The following KCNN2 variants were observed in gnomAD, a reference collection of about 807,000 sequenced individuals.
KCNN2 encodes the protein small conductance calcium-activated potassium channel protein 2.
Under a neutral mutation model 55.5 loss-of-function variants are expected in KCNN2, and 24 were observed. The observed-to-expected ratio is 0.43, with a 90% CI of 0.31 to 0.61. KCNN2 has a LOEUF of 0.61. Among genes scored for constraint, KCNN2 ranks in the 20% least tolerant of loss-of-function variants. KCNN2 has a pLI of 0.08. For synonymous variants in KCNN2, 431 were observed against 336.1 expected (o/e 1.28, Z -3.09); for missense variants, 754 against 853.6 (o/e 0.88, Z 1.45).
At chr5:114,079,114 A>G (rs899749333) in intron 1 of KCNN2, among the ~76,000 whole-genome samples, 2 of 152,194 alleles carry the variant, frequency 1.3e-5, no homozygotes, top group Admixed American at 1.3e-4. Flanking sequence ...AAAAACCTAT[A>G]CAGAGGCATT....
chr5:114,098,755 A>G (rs970939428), intron 1 of KCNN2, among the ~76,000 whole-genome samples: 1 of 152,194 alleles, frequency 6.6e-6, no homozygotes, highest in Non-Finnish European at 1.5e-5. Flanking sequence ...TAGAATTAAC[A>G]TGAAACCTGT....
chr5:114,147,014 G>A (rs1053186126), intron 1 of KCNN2, among the ~76,000 whole-genome samples: 18 of 152,178 alleles, frequency 1.2e-4, no homozygotes, highest in African/African-American at 4.1e-4. Context: ...TATAAGCTGA[G>A]TCAGAGACAA....
Position 114,174,355 on chromosome 5 carries a change from C to G in KCNN2, c.-270-47125C>G, listed in dbSNP as rs139705088. 2.6e-5 allele frequency among the ~76,000 whole-genome samples: 4 copies of G among 152,198 alleles called. No individual in the cohort carries two copies. The East Asian group carries it at 7.7e-4, about 29-fold the overall frequency. On this transcript the variant is annotated intron_variant, in intron 1 of 10. Transcript: ENST00000512097. ...TTTGCTTTCTGACTAAGCAGTGACA[C>G]AAACAGACCTACTGCAGATGGATAA...
At chr5:114,146,535 A>G (rs1405427374) in intron 1 of KCNN2, among the ~76,000 whole-genome samples, 1 of 152,182 alleles carries the variant, frequency 6.6e-6, no homozygotes, top group African/African-American at 2.4e-5. Context: ...TTTGACAGGT[A>G]TCCCAGATGA....
At chr5:114,185,653 G>A (rs1753316621) in intron 1 of KCNN2, among the ~76,000 whole-genome samples, 1 of 152,164 alleles carries the variant, frequency 6.6e-6, no homozygotes. Context: ...TTCCATGGCC[G>A]TGGGACAGAC....
At chr5:114,077,071 G>A (rs1314895133) in intron 1 of KCNN2, among the ~76,000 whole-genome samples, 1 of 152,200 alleles carries the variant, frequency 6.6e-6, no homozygotes, top group Non-Finnish European at 1.5e-5. Context: ...GAATGTAATG[G>A]TAAAAAGGTG....
chr5:114,474,223 G>C (rs761169386), intron 5 of KCNN2, among the ~76,000 whole-genome samples: 3 of 152,124 alleles, frequency 2.0e-5, no homozygotes, highest in Admixed American at 6.6e-5. Flanking sequence ...TAACAGGCCA[G>C]TCATTTTAAT....
At chr5:114,480,518 A>G (rs1580907207) in intron 5 of KCNN2, among the ~76,000 whole-genome samples, 1 of 152,204 alleles carries the variant, frequency 6.6e-6, no homozygotes, top group East Asian at 1.9e-4. Flanking sequence ...TGAGGCAAGC[A>G]TCATCCTGAT....
chr5:114,379,692 ATATT>A (rs944524805), intron 2 of KCNN2, among the ~76,000 whole-genome samples: 3 of 109,648 alleles, frequency 2.7e-5, no homozygotes, highest in Non-Finnish European at 5.0e-5. Flanking sequence ...AACATATTAT[ATATT>A]TATAGAATAT....
chr5:114,117,265 G>A (rs1230272485), intron 1 of KCNN2, among the ~76,000 whole-genome samples: 4 of 152,118 alleles, frequency 2.6e-5, no homozygotes, highest in Admixed American at 2.0e-4. Context: ...TCTGAGAACC[G>A]CAGTAGCTTT....
intron 2 of KCNN2, among the ~76,000 whole-genome samples, chr5:114,301,636 C>G (rs1284998474): frequency 1.3e-5 from 2 of 152,096 alleles, no homozygotes; most frequent in Non-Finnish European, 2.9e-5. Flanking sequence ...GCGTGGGAGC[C>G]AAACTAATAT....
intron 1 of KCNN2, among the ~76,000 whole-genome samples, chr5:114,135,903 G>A (rs1283887941): frequency 2.6e-5 from 4 of 152,066 alleles, no homozygotes; most frequent in Admixed American, 2.0e-4. Flanking sequence ...GAAAATTGGA[G>A]ATAAAAGAAA....
intron 1 of KCNN2, among the ~76,000 whole-genome samples, chr5:114,151,079 C>T (rs560284923): frequency 7.0e-6 from 1 of 143,786 alleles, no homozygotes; most frequent in African/African-American, 2.6e-5. Flanking sequence ...CTTTCAGGCA[C>T]AACTTTTTAA....
chr5:114,186,285 G>A (rs1458323234), intron 1 of KCNN2, among the ~76,000 whole-genome samples: 1 of 152,094 alleles, frequency 6.6e-6, no homozygotes, highest in African/African-American at 2.4e-5. Context: ...CGTAAATCTA[G>A]ATGTAAAATT....
intron 2 of KCNN2, among the ~76,000 whole-genome samples, chr5:114,383,048 G>A (rs1461077767): frequency 1.3e-5 from 2 of 152,296 alleles, no homozygotes; most frequent in South Asian, 2.1e-4. Context: ...CCTCAAGGGA[G>A]GGGGGTGCAA....
chr5:114,125,900 GC>G (rs1480106876), intron 1 of KCNN2, among the ~76,000 whole-genome samples: 1 of 152,014 alleles, frequency 6.6e-6, no homozygotes, highest in Admixed American at 6.6e-5. Flanking sequence ...CCTCTTAAAG[GC>G]CCTATCTCCA....
rs1748119411 is a variant in KCNN2 at position 114,496,298 on chromosome 5, A to C, written c.*116A>C. On this transcript the variant is annotated 3_prime_UTR_variant, in exon 8 of 8. Transcript: ENST00000673685. ...GCGTTATCCGGGTTCTGATGTCAGA[A>C]TCCTGGGAACCTGAACACTAAGTTT... The C allele has an allele frequency of 5.2e-6, 6 of 1,160,756 alleles. No individual in the cohort carries two copies. The South Asian group carries it at 9.6e-5, about 19-fold the overall frequency. The allele number at this position is 1,160,756 out of a possible 1,614,324, so 71.9% of individuals were successfully genotyped here.
intron 2 of KCNN2, among the ~76,000 whole-genome samples, chr5:114,383,030 A>C (rs768688184): frequency 1.3e-5 from 2 of 152,208 alleles, no homozygotes; most frequent in African/African-American, 4.8e-5. Context: ...AAATCAATCA[A>C]TCTAAAGCCT....
chr5:114,364,088 C>T (rs10061028), intron 2 of KCNN2, 87 bp downstream of exon 2: 22 of 928,312 alleles, frequency 2.4e-5, no homozygotes, highest in Non-Finnish European at 3.5e-5. Context: ...TTTTTCAAGC[C>T]ATCATGTCCT....
Sources: allele counts gnomAD v4.1 joint callset (sites outside exome capture counted in the v4.1 genomes callset), GRCh38; gene constraint gnomAD v4.1.1; transcripts MANE v1.5; gene names NCBI Gene and HGNC (gene_info 2026-07-23, HGNC 2026-07-21).